PRKAG2: variants seen among roughly 807,000 people sequenced by gnomAD.
The protein encoded by PRKAG2 is 5'-AMP-activated protein kinase subunit gamma-2.
Under a neutral mutation model 69.6 loss-of-function variants are expected in PRKAG2, and 26 were observed. The observed-to-expected ratio is 0.37, with a 90% confidence interval of 0.27 to 0.52. The LOEUF is 0.52. Among genes scored for constraint, PRKAG2 ranks in the 20% least tolerant of loss-of-function variants. The pLI, the probability that PRKAG2 is intolerant of heterozygous loss-of-function variation, is 0.90. For missense variants in PRKAG2, 557 were observed against 740.0 expected, an observed-to-expected ratio of 0.75 and a Z score of 2.87; for synonymous variants, 293 against 285.0, an observed-to-expected ratio of 1.03 and a Z score of -0.28.
At chr7:151,669,146 A>C (rs1367901833) in intron 4 of PRKAG2, among the ~76,000 whole-genome samples, 1 of 151,864 alleles carries the variant, frequency 6.6e-6, no homozygotes, top group South Asian at 2.1e-4. Context: ...CCCTGCACTC[A>C]CTCTTTCCCC....
intron 6 of PRKAG2, among the ~76,000 whole-genome samples, chr7:151,592,995 G>T (rs1482895480): frequency 6.6e-6 from 1 of 152,152 alleles, no homozygotes; most frequent in Non-Finnish European, 1.5e-5. Context: ...CAGGATAAAC[G>T]GCTTCCCGGA....
intron 4 of PRKAG2, among the ~76,000 whole-genome samples, chr7:151,641,244 CTTTTTTTT>C (rs374667332): frequency 0.032 from 3,413 of 105,760 alleles, 132 homozygotes; most frequent in African/African-American, 0.11. Flanking sequence ...TTCTTTTTTC[CTTTTTTTT>C]TTTTTTTTTT....
intron 1 of PRKAG2, among the ~76,000 whole-genome samples, chr7:151,830,506 G>A (rs116508619): frequency 0.017 from 2,654 of 152,038 alleles, 61 homozygotes; most frequent in African/African-American, 0.035. Context: ...GGTAACACAC[G>A]GAGCTGGAAG....
chr7:151,688,739 A>G (rs1306204027), intron 3 of PRKAG2, among the ~76,000 whole-genome samples: 1 of 152,198 alleles, frequency 6.6e-6, no homozygotes, highest in Non-Finnish European at 1.5e-5. Context: ...TAGTTCTTCA[A>G]CTTTCTTGAA....
intron 5 of PRKAG2, among the ~76,000 whole-genome samples, chr7:151,596,484 C>T (rs928784483): frequency 2.0e-5 from 3 of 152,282 alleles, no homozygotes; most frequent in East Asian, 1.9e-4. Flanking sequence ...TGTGGTAGCA[C>T]GCGCCTGTAA....
At chr7:151,817,349 A>T (rs998629425) in intron 1 of PRKAG2, among the ~76,000 whole-genome samples, 1 of 152,160 alleles carries the variant, frequency 6.6e-6, no homozygotes, top group Non-Finnish European at 1.5e-5. Flanking sequence ...TCATCCTCCT[A>T]AACTCTGTTT....
intron 4 of PRKAG2, among the ~76,000 whole-genome samples, chr7:151,635,034 C>T (rs1825509497): frequency 6.6e-6 from 1 of 151,200 alleles, no homozygotes. Context: ...ACTGCAACCT[C>T]TACCTCCCAG....
chr7:151,780,427 G>A lies in PRKAG2; in HGVS notation c.466+725C>T, dbSNP rs181430461. On this transcript the variant is annotated intron_variant, in intron 3 of 15. Coordinates refer to ENST00000287878, the MANE Select transcript of PRKAG2 (RefSeq NM_016203.4). This position sits in a 1 kb window ranked among gnomAD's most constrained non-coding sequence, Gnocchi z 4.2. The stretch of plus-strand genomic sequence containing the variant: ...CATCACTATCTTCCCCAATACAAAT[G>A]TTCTAAGTCAGTAGAAAGAACTGGA... 3.3e-4 allele frequency among the ~76,000 whole-genome samples: 51 copies of A among 152,288 alleles called. No individual in the cohort carries two copies. Among genetic ancestry groups the A allele is most frequent in the Admixed American group, 1.5e-3 (23 of 15,300 alleles).
intron 6 of PRKAG2, among the ~76,000 whole-genome samples, chr7:151,592,911 T>A (rs972659515): frequency 1.4e-4 from 21 of 152,190 alleles, no homozygotes; most frequent in African/African-American, 4.6e-4. Flanking sequence ...TACCTTGACT[T>A]AACCAATGCC....
At chr7:151,743,822 TG>T (rs2074071668) in intron 3 of PRKAG2, among the ~76,000 whole-genome samples, 1 of 152,190 alleles carries the variant, frequency 6.6e-6, no homozygotes, top group Non-Finnish European at 1.5e-5. Flanking sequence ...AGGGAGGCTG[TG>T]CTGACTGCTC....
At chr7:151,631,984 T>A in intron 5 of PRKAG2, 85 bp downstream of exon 5, 2 of 1,122,072 alleles carry the variant, frequency 1.8e-6, no homozygotes, top group South Asian at 6.9e-5. Context: ...GCGCCGGAGA[T>A]GGGGCGCGGG....
chr7:151,784,179 G>A (rs934546819), intron 2 of PRKAG2, among the ~76,000 whole-genome samples: 32 of 152,254 alleles, frequency 2.1e-4, no homozygotes, highest in Non-Finnish European at 2.9e-4. Flanking sequence ...CAGCCTCGAG[G>A]GTGTGAACCG....
intron 1 of PRKAG2, among the ~76,000 whole-genome samples, chr7:151,811,282 C>A (rs1301334166): frequency 6.6e-6 from 1 of 152,238 alleles, no homozygotes; most frequent in Non-Finnish European, 1.5e-5. Context: ...TATGTGCTGG[C>A]AGCTGCCCCT....
chr7:151,806,233 C>G (rs1435676749), intron 1 of PRKAG2, among the ~76,000 whole-genome samples: 1 of 152,234 alleles, frequency 6.6e-6, no homozygotes, highest in Non-Finnish European at 1.5e-5. Context: ...AGAAAAATCC[C>G]TGTAAACTTC....
intron 3 of PRKAG2, among the ~76,000 whole-genome samples, chr7:151,744,149 T>G (rs1163234845): frequency 6.6e-6 from 1 of 152,206 alleles, no homozygotes; most frequent in Non-Finnish European, 1.5e-5. Flanking sequence ...GGCGCTCCTG[T>G]GGCTCTGATA....
At chr7:151,863,309 T>G (rs1330220589) in intron 1 of PRKAG2, among the ~76,000 whole-genome samples, 1 of 151,972 alleles carries the variant, frequency 6.6e-6, no homozygotes, top group Non-Finnish European at 1.5e-5. Flanking sequence ...AGTGCCTGGC[T>G]GAGACTTGCC....
intron 4 of PRKAG2, among the ~76,000 whole-genome samples, chr7:151,665,293 A>T (rs2151439802): frequency 6.6e-6 from 1 of 152,266 alleles, no homozygotes; most frequent in East Asian, 1.9e-4. Context: ...AGAGGCAGGG[A>T]GTTTATCACA....
intron 3 of PRKAG2, among the ~76,000 whole-genome samples, chr7:151,766,193 A>T (rs1387378757): frequency 6.6e-6 from 1 of 152,202 alleles, no homozygotes; most frequent in African/African-American, 2.4e-5. Flanking sequence ...CTTCTCACAT[A>T]TGCGCTGCAC....
chr7:151,832,168 C>T (rs1436472618), intron 1 of PRKAG2, among the ~76,000 whole-genome samples: 4 of 149,974 alleles, frequency 2.7e-5, no homozygotes, highest in Non-Finnish European at 5.9e-5. Context: ...TGAATTTCCC[C>T]CCAACCCAAT....
Sources: allele counts gnomAD v4.1 joint callset (sites outside exome capture counted in the v4.1 genomes callset), GRCh38; gene constraint gnomAD v4.1.1; non-coding constraint Gnocchi (gnomAD v3.1); transcripts MANE v1.5; gene names NCBI Gene and HGNC (gene_info 2026-07-23, HGNC 2026-07-21).